SBNO1: variants seen among roughly 807,000 people sequenced by gnomAD.
The protein encoded by SBNO1 is protein strawberry notch homolog 1.
In SBNO1, 23 loss-of-function variants were observed where a neutral mutation model predicts 173.6. The observed-to-expected ratio is 0.13, with a 90% CI of 0.10 to 0.19. The LOEUF is 0.19. SBNO1 is among the 10% of genes least tolerant of loss of function. The pLI is 1.00. For synonymous variants in SBNO1, 632 were observed against 571.5 expected, an observed-to-expected ratio of 1.11 and a Z score of -1.51; for missense variants, 1,238 against 1,671.2, an observed-to-expected ratio of 0.74 and a Z score of 4.52.
rs1047386990 is a variant in SBNO1, at chr12:123,290,097, G to A, written c.*5811C>T. On this transcript the variant is annotated 3_prime_UTR_variant, in exon 32 of 32. Transcript: ENST00000602398. ...TTTCCTTGCTTAGCCCTGCACTAAGGGGCAGTCTTGCTGGACGGTGCCCTG... is the reference window on the plus strand; with the variant it reads ...TTTCCTTGCTTAGCCCTGCACTAAGAGGCAGTCTTGCTGGACGGTGCCCTG... 6.6e-6 allele frequency: 1 copy of A among 152,220 alleles called. No individual in the cohort carries two copies. Among genetic ancestry groups the A allele is most frequent in the Non-Finnish European group, 1.5e-5 (1 of 68,054 alleles). The allele number at this position is 152,220 out of a possible 1,614,324, so 9.4% of individuals were successfully genotyped here.
rs371244412 is a variant in SBNO1, at chr12:123,304,533, G to A, written c.3768+49C>T. ...TTACAGGTGTGAGCCACATTGCCTG[G>A]CCCAAAGTAAGTATTCCTATATAAT... On this transcript the variant is annotated intron_variant, in intron 29 of 31. Transcript: ENST00000602398. The A allele has an allele frequency of 1.3e-4, 180 of 1,391,358 alleles. 1 individual carries two copies. In the Middle Eastern group the frequency reaches 1.9e-3, roughly 15 times the overall value. The allele number at this position is 1,391,358 out of a possible 1,614,324, so 86.2% of individuals were successfully genotyped here.
intron 23 of SBNO1, among the ~76,000 whole-genome samples, chr12:123,315,133 T>G (rs1449001318): frequency 6.6e-6 from 1 of 152,236 alleles, no homozygotes; most frequent in African/African-American, 2.4e-5. Flanking sequence ...AACTCACAGT[T>G]AATTCAGTCT....
chr12:123,297,835 G>C (rs565748621), intron 31 of SBNO1, 143 bp downstream of exon 31: 5 of 713,218 alleles, frequency 7.0e-6, no homozygotes, highest in African/African-American at 5.4e-5. Flanking sequence ...GTTCAACCTT[G>C]TAAGAAATAT....
chr12:123,347,493 T>C (rs547128671), intron 3 of SBNO1, among the ~76,000 whole-genome samples: 1 of 151,534 alleles, frequency 6.6e-6, no homozygotes, highest in Non-Finnish European at 1.5e-5. Flanking sequence ...CCAAAAGTGT[T>C]GGGATTACAG....
intron 6 of SBNO1, 133 bp from the exon 7 acceptor site, chr12:123,334,346 T>C (rs1371701480): frequency 1.6e-5 from 10 of 610,808 alleles, no homozygotes; most frequent in South Asian, 2.4e-5. Flanking sequence ...TGAGCTTCCA[T>C]AAAAAGTAAC....
chr12:123,336,061 G>A (rs1377040237), intron 6 of SBNO1, among the ~76,000 whole-genome samples: 1 of 151,940 alleles, frequency 6.6e-6, no homozygotes, highest in Non-Finnish European at 1.5e-5. Context: ...TACAGTGGCT[G>A]CTAAAAAAAG....
chr12:123,309,902 A>C (rs773509703), intron 25 of SBNO1, 46 bp from the exon 26 acceptor site: 29 of 1,476,086 alleles, frequency 2.0e-5, no homozygotes, highest in South Asian at 2.5e-5. Context: ...GATAATTAAA[A>C]ATTTTTTATT....
intron 20 of SBNO1, 22 bp downstream of exon 20, chr12:123,319,875 TGAG>T (rs779445452): frequency 6.2e-7 from 1 of 1,609,538 alleles, no homozygotes; most frequent in Admixed American, 1.7e-5. Context: ...TTCTTTTCAC[TGAG>T]AAGCATCTCA....
chr12:123,354,494 G>A (rs1874210105), intron 1 of SBNO1, among the ~76,000 whole-genome samples: 3 of 152,102 alleles, frequency 2.0e-5, no homozygotes, highest in Admixed American at 2.0e-4. Context: ...GGGTGAAGGA[G>A]GGAAAGGGGA....
chr12:123,290,144 G>A lies in SBNO1; in HGVS notation c.*5764C>T, dbSNP rs557877708. On this transcript the variant is annotated 3_prime_UTR_variant, in exon 32 of 32. Transcript: ENST00000602398. ...CCTGCCACGTTGCGGCAGCCCAGAT[G>A]GCCGCACTGCCAACCACAGCACGGC... 1 of 152,366 alleles carries A rather than the reference G, an allele frequency of 6.6e-6. No homozygotes were observed. Among genetic ancestry groups the A allele is most frequent in the South Asian group, 2.1e-4 (1 of 4,828 alleles). The allele number at this position is 152,366 out of a possible 1,614,324, so 9.4% of individuals were successfully genotyped here.
At chr12:123,357,457 A>C (rs1171367950) in intron 1 of SBNO1, among the ~76,000 whole-genome samples, 1 of 150,338 alleles carries the variant, frequency 6.7e-6, no homozygotes, top group African/African-American at 2.5e-5. Context: ...TCAAAACAAC[A>C]AACAGTCAGG....
rs1156367214 is a variant in SBNO1, at chr12:123,326,296, A to T, written c.1731T>A (p.Asp577Glu). ...TCATTCGTTGCTCAGCATCAATCAGATCTGCAGCTTGCTGAAACCGCTCTC... is the reference window on the plus strand; with the variant it reads ...TCATTCGTTGCTCAGCATCAATCAGTTCTGCAGCTTGCTGAAACCGCTCTC... The part of the protein sequence containing the change: ...IARERFQQAA[D>E]LIDAEQRMKK... The change falls in exon 14 of 32, where the codon GAT (aspartate) becomes GAA (glutamate). Residue 577 changes from aspartate to glutamate, a missense_variant. By Grantham distance (45) the Asp-to-Glu change is conservative. This residue lies in a region of SBNO1 where 182 missense variants were observed against 339.9 expected (regional missense o/e 0.54). Coordinates refer to ENST00000602398, the MANE Select transcript of SBNO1 (RefSeq NM_001167856.3). The T allele has an allele frequency of 6.2e-7, 1 of 1,608,572 alleles. No individual in the cohort carries two copies. Among genetic ancestry groups the T allele is most frequent in the South Asian group, 1.1e-5 (1 of 90,164 alleles).
intron 20 of SBNO1, among the ~76,000 whole-genome samples, chr12:123,318,061 A>C (rs1869498389): frequency 6.6e-6 from 1 of 152,160 alleles, no homozygotes; most frequent in South Asian, 2.1e-4. Context: ...TCTCAAGCTC[A>C]AGTGATCCTT....
At chr12:123,297,936 A>C in intron 31 of SBNO1, 42 bp downstream of exon 31, 1 of 1,592,842 alleles carries the variant, frequency 6.3e-7, no homozygotes, top group South Asian at 1.1e-5. Flanking sequence ...GTCGGATCCG[A>C]TTTTTTCCTG....
chr12:123,306,642 C>T (rs1386227881), intron 28 of SBNO1, among the ~76,000 whole-genome samples: 2 of 152,094 alleles, frequency 1.3e-5, no homozygotes, highest in Non-Finnish European at 2.9e-5. Context: ...GGATCAAGCC[C>T]AGGAGGAGTT....
chr12:123,316,706 T>C (rs1221895682), intron 21 of SBNO1, among the ~76,000 whole-genome samples: 44 of 146,632 alleles, frequency 3.0e-4, no homozygotes, highest in Admixed American at 1.3e-3. Flanking sequence ...TCTTCTTCTT[T>C]TTTTTTTTTT....
intron 30 of SBNO1, among the ~76,000 whole-genome samples, chr12:123,302,201 G>C (rs1456280086): frequency 6.6e-6 from 1 of 150,974 alleles, no homozygotes; most frequent in South Asian, 2.1e-4. Context: ...CCAAAGTGCT[G>C]GGATTACAGG....
At chr12:123,299,236 C>T (rs571572465) in intron 30 of SBNO1, among the ~76,000 whole-genome samples, 11 of 152,190 alleles carry the variant, frequency 7.2e-5, no homozygotes, top group Admixed American at 1.3e-4. Context: ...GGAGTGGTGG[C>T]AGGCACCTGT....
intron 28 of SBNO1, 70 bp from the exon 29 acceptor site, chr12:123,304,789 A>C: frequency 2.0e-6 from 2 of 1,019,030 alleles, no homozygotes; most frequent in Non-Finnish European, 3.0e-6. Context: ...CTGTACCATC[A>C]CGTCAGCAAA....
Sources: allele counts gnomAD v4.1 joint callset (sites outside exome capture counted in the v4.1 genomes callset), GRCh38; gene constraint gnomAD v4.1.1; regional missense constraint gnomAD v4.1.1; transcripts MANE v1.5; gene names NCBI Gene and HGNC (gene_info 2026-07-23, HGNC 2026-07-21).